CNTN5: variants seen among roughly 807,000 people sequenced by gnomAD.
The protein encoded by CNTN5 is contactin 5.
CNTN5 carries 77 observed loss-of-function variants against 129.1 expected under a neutral mutation model. That is an observed-to-expected ratio of 0.60 (90% confidence interval 0.50 to 0.72). The LOEUF (loss-of-function observed/expected upper bound fraction) is 0.72, where lower values mean the gene tolerates loss of function less well. Among genes scored for constraint, CNTN5 ranks in the 30% least tolerant of loss-of-function variants. The probability of loss-of-function intolerance (pLI) is 0.00; values close to 1 mark genes in which losing one functional copy is unlikely to be tolerated. For missense variants in CNTN5, 1,478 were observed against 1,328.8 expected, an observed-to-expected ratio of 1.11 and a Z score of -1.75; for synonymous variants, 509 against 465.6, an observed-to-expected ratio of 1.09 and a Z score of -1.20.
chr11:100,101,583 A>AT (rs1945226219), intron 13 of CNTN5, among the ~76,000 whole-genome samples: 1 of 151,540 alleles, frequency 6.6e-6, no homozygotes, highest in African/African-American at 2.4e-5. Context: ...TCTTTTTTTA[A>AT]TTTTTTAATT....
intron 3 of CNTN5, among the ~76,000 whole-genome samples, chr11:99,771,540 G>A (rs1489314560): frequency 6.6e-6 from 1 of 151,900 alleles, no homozygotes; most frequent in Non-Finnish European, 1.5e-5. Flanking sequence ...GGCAAAATTA[G>A]CAAGACAAGG....
At chr11:99,892,231 T>C (rs2135912566) in intron 6 of CNTN5, among the ~76,000 whole-genome samples, 1 of 152,316 alleles carries the variant, frequency 6.6e-6, no homozygotes, top group Middle Eastern at 3.4e-3. Context: ...TATTAGCCCT[T>C]TGTCAGAAGG....
intron 2 of CNTN5, among the ~76,000 whole-genome samples, chr11:99,456,285 G>C (rs1450845056): frequency 6.6e-6 from 1 of 152,052 alleles, no homozygotes; most frequent in Admixed American, 6.6e-5. Context: ...ATTTCTCAGA[G>C]AAAACGTGAG....
intron 8 of CNTN5, among the ~76,000 whole-genome samples, chr11:99,976,574 C>T (rs544653334): frequency 6.6e-6 from 1 of 152,306 alleles, no homozygotes; most frequent in East Asian, 1.9e-4. Context: ...AGGCTCAATG[C>T]CACGTGGAAA....
intron 21 of CNTN5, among the ~76,000 whole-genome samples, chr11:100,321,753 C>G (rs1309912454): frequency 1.3e-5 from 2 of 151,990 alleles, no homozygotes; most frequent in Non-Finnish European, 2.9e-5. Context: ...GAATTTTTAC[C>G]ATGAAAAAAT....
intron 2 of CNTN5, among the ~76,000 whole-genome samples, chr11:99,385,428 T>G (rs975812345): frequency 6.6e-6 from 1 of 152,152 alleles, no homozygotes; most frequent in African/African-American, 2.4e-5. Flanking sequence ...GATTTGGACT[T>G]GAACTGAGGG....
At chr11:100,070,258 AGG>A (rs1943866100) in intron 10 of CNTN5, 164 bp from the exon 11 acceptor site, 1 of 541,412 alleles carries the variant, frequency 1.8e-6, no homozygotes, top group Non-Finnish European at 3.1e-6. Context: ...TTGGGGGTAC[AGG>A]AAATAGAATT....
intron 6 of CNTN5, among the ~76,000 whole-genome samples, chr11:99,908,074 G>C (rs551581339): frequency 3.9e-5 from 6 of 152,026 alleles, no homozygotes; most frequent in African/African-American, 1.4e-4. Flanking sequence ...GTCCCAGTGT[G>C]AAAAACTATC....
At chr11:99,600,982 G>A (rs1382893756) in intron 3 of CNTN5, among the ~76,000 whole-genome samples, 3 of 152,090 alleles carry the variant, frequency 2.0e-5, no homozygotes, top group South Asian at 2.1e-4. Flanking sequence ...ATTGGCTTAG[G>A]ACCCTTCTCT....
Position 99,819,690 on chromosome 11 carries a change from A to G in CNTN5, c.202A>G (p.Ser68Gly). 1 of 1,612,938 alleles carries G rather than the reference A, an allele frequency of 6.2e-7. No homozygotes were observed. The highest frequency in any genetic ancestry group is 8.5e-7 in the Non-Finnish European group (1 of 1,179,830). Residue 68 changes from serine (S) to glycine (G), a missense_variant, in exon 4 of 25, where the codon AGC becomes GGC. Coordinates refer to ENST00000524871, the MANE Select transcript of CNTN5 (RefSeq NM_014361.4). ...AGGAACACTGAGTGCTTCTTCACCC[A>G]GCTGGCTAGGGGCAGCTCAGAATTA... ...SLGTLSASSPSWLGAAQNYYS... is the reference protein window; with the variant it reads ...SLGTLSASSPGWLGAAQNYYS...
chr11:100,003,796 C>T (rs1565778986), intron 9 of CNTN5: 1 of 152,098 alleles, frequency 6.6e-6, no homozygotes, highest in Non-Finnish European at 1.5e-5. Context: ...ACCCAACTCT[C>T]AAAAGTAAAT....
chr11:99,072,824 T>C (rs910673332), intron 1 of CNTN5, among the ~76,000 whole-genome samples: 11 of 152,138 alleles, frequency 7.2e-5, no homozygotes, highest in Non-Finnish European at 1.5e-4. Flanking sequence ...ATCTCCATGG[T>C]CAAGATATGA....
chr11:99,385,453 T>C (rs188276394), intron 2 of CNTN5, among the ~76,000 whole-genome samples: 184 of 152,336 alleles, frequency 1.2e-3, no homozygotes, highest in African/African-American at 4.2e-3. Context: ...TTATAGGTGT[T>C]ATATTTTATT....
intron 13 of CNTN5, among the ~76,000 whole-genome samples, chr11:100,174,547 G>A (rs1475859559): frequency 6.6e-6 from 1 of 152,076 alleles, no homozygotes; most frequent in Non-Finnish European, 1.5e-5. Context: ...GCCAATTTGA[G>A]CAAAAAGATT....
rs143473346 is a variant in CNTN5, at chr11:100,224,863, T to C, written c.2005+51T>C. 102 of 1,589,024 alleles carry C rather than the reference T, an allele frequency of 6.4e-5. 1 individual carries two copies. The East Asian group carries it at 2.2e-3, about 34-fold the overall frequency. On this transcript the variant is annotated intron_variant, in intron 16 of 24. Coordinates refer to ENST00000524871, the MANE Select transcript of CNTN5 (RefSeq NM_014361.4). ...AAGACATGATCACCATAAATTATCA[T>C]ACAAAGGAATTTAAATGCATGGACT...
At chr11:100,298,773 G>T (rs547993414) in intron 19 of CNTN5, among the ~76,000 whole-genome samples, 6 of 151,134 alleles carry the variant, frequency 4.0e-5, no homozygotes, top group African/African-American at 1.2e-4. Flanking sequence ...TACTTTTGTG[G>T]TCTAAAGGGT....
At chr11:99,491,973 T>C (rs562311637) in intron 2 of CNTN5, among the ~76,000 whole-genome samples, 2 of 152,298 alleles carry the variant, frequency 1.3e-5, no homozygotes, top group Non-Finnish European at 2.9e-5. Flanking sequence ...AGAAGTCATA[T>C]AACCAACTTG....
At chr11:99,225,782 A>G (rs1005914874) in intron 1 of CNTN5, among the ~76,000 whole-genome samples, 2 of 152,216 alleles carry the variant, frequency 1.3e-5, no homozygotes, top group Non-Finnish European at 2.9e-5. Flanking sequence ...TAGCATTGAT[A>G]TAGACATTTT....
intron 2 of CNTN5, among the ~76,000 whole-genome samples, chr11:99,370,574 G>T (rs958227046): frequency 6.6e-6 from 1 of 152,104 alleles, no homozygotes; most frequent in Non-Finnish European, 1.5e-5. Flanking sequence ...CAATATCTTT[G>T]AAGTTCTTTG....
Sources: allele counts gnomAD v4.1 joint callset (sites outside exome capture counted in the v4.1 genomes callset), GRCh38; gene constraint gnomAD v4.1.1; transcripts MANE v1.5; gene names NCBI Gene and HGNC (gene_info 2026-07-23, HGNC 2026-07-21).